The following PBX1 variants were observed in gnomAD, a reference collection of about 807,000 sequenced individuals.
The protein encoded by PBX1 is pre-B-cell leukemia transcription factor 1.
A neutral mutation model predicts 53.4 loss-of-function variants in PBX1; 6 were observed. The observed-to-expected ratio is 0.11, with a 90% CI of 0.06 to 0.22. The LOEUF is 0.22. PBX1 is among the 10% of genes least tolerant of loss of function. PBX1 has a pLI of 1.00. For synonymous variants in PBX1, 204 were observed against 212.3 expected, an observed-to-expected ratio of 0.96 and a Z score of 0.34; for missense variants, 251 against 551.4, an observed-to-expected ratio of 0.46 and a Z score of 5.46.
chr1:164,879,201 A>G (rs537972476), intron 2 of PBX1, among the ~76,000 whole-genome samples: 1 of 149,348 alleles, frequency 6.7e-6, no homozygotes, highest in Admixed American at 6.9e-5. Flanking sequence ...AGGGAGAAAA[A>G]TTTTAATTCA....
intron 2 of PBX1, among the ~76,000 whole-genome samples, chr1:164,759,493 G>T (rs1012978675): frequency 2.6e-5 from 4 of 152,188 alleles, no homozygotes; most frequent in African/African-American, 9.7e-5. Flanking sequence ...TCATGTGCTA[G>T]CTCCCATTTA....
At chr1:164,628,798 G>A (rs780829487) in intron 2 of PBX1, among the ~76,000 whole-genome samples, 34 of 152,018 alleles carry the variant, frequency 2.2e-4, no homozygotes, top group Non-Finnish European at 4.1e-4. Flanking sequence ...TGGGTTGACC[G>A]CCTTATTACT....
At position 164,562,452 on chromosome 1, in the gene PBX1, T is replaced by TACACACACACACACACACACACACAC. The variant is rs6143458; in HGVS notation, c.192-769_192-744dup. 7.0e-5 allele frequency among the ~76,000 whole-genome samples: 10 copies of TACACACACACACACACACACACACAC among 143,396 alleles called. No individual in the cohort carries two copies. The East Asian group carries it at 9.3e-4, about 13-fold the overall frequency. The allele number at this position is 143,396 out of a possible 152,430, so 94.1% of individuals were successfully genotyped here. On this transcript the variant is annotated intron_variant, in intron 1 of 8. Transcript: ENST00000420696. The stretch of plus-strand genomic sequence containing the variant: ...TTTTGTTCCTCAAGTGCATTCAGAA[T>TACACACACACACACACACACACACAC]ACACACACACACACACACACACACA...
intron 8 of PBX1, among the ~76,000 whole-genome samples, chr1:164,836,686 T>C (rs1397181165): frequency 1.3e-5 from 2 of 152,158 alleles, no homozygotes; most frequent in Non-Finnish European, 2.9e-5. Flanking sequence ...CTTCCCACTA[T>C]ATCTCCCACA....
At chr1:164,689,928 A>G (rs1662362843) in intron 2 of PBX1, among the ~76,000 whole-genome samples, 4 of 152,072 alleles carry the variant, frequency 2.6e-5, no homozygotes. Context: ...TAAGTGCCAA[A>G]TGTTTCTTGA....
At chr1:164,575,467 C>T (rs12048918) in intron 2 of PBX1, among the ~76,000 whole-genome samples, 7,429 of 152,198 alleles carry the variant, frequency 0.049, 443 homozygotes, top group East Asian at 0.29. Flanking sequence ...TACCTAGTAG[C>T]CTGTGCTGGT....
At chr1:164,776,899 TTG>T (rs368787176) in intron 2 of PBX1, among the ~76,000 whole-genome samples, 3,148 of 96,850 alleles carry the variant, frequency 0.033, 95 homozygotes, top group African/African-American at 0.07. Flanking sequence ...GGTTTTACAT[TTG>T]TGTGTGTGTG....
In PBX1 at chr1:164,869,321, C is replaced by T. The variant is rs956783583; in HGVS notation, n.258-29867C>T. On this transcript the variant is annotated intron_variant and non_coding_transcript_variant, in intron 2 of 2. Coordinates refer to the PBX1 transcript ENST00000558796. ...CAGGAGATCCATCTGCCTGTTTCTGCTCTGCTAGTCAGTAAGCCTGGATAA... is the reference window on the plus strand; with the variant it reads ...CAGGAGATCCATCTGCCTGTTTCTGTTCTGCTAGTCAGTAAGCCTGGATAA... Among the ~76,000 whole-genome samples, 7 of 152,322 alleles carry T rather than the reference C, an allele frequency of 4.6e-5. 1 individual carries two copies. The highest frequency in any genetic ancestry group is 3.3e-4 in the Admixed American group (5 of 15,306).
chr1:164,820,063 C>A lies in PBX1; in HGVS notation c.998-9C>A, dbSNP rs1476638208. 1 of 1,579,130 alleles carries A rather than the reference C, an allele frequency of 6.3e-7. No homozygotes were observed. Among genetic ancestry groups the A allele is most frequent in the East Asian group, 2.2e-5 (1 of 44,616 alleles). On this transcript the variant is annotated splice_polypyrimidine_tract_variant and intron_variant, in intron 6 of 8. Transcript: ENST00000420696. Reference sequence around the variant, plus strand: ...CTGTGATTCAGGTGCCTCACTCTTTCCTTTCCAGGTTCTTCCAGTTCTTTT... The same window carrying A: ...CTGTGATTCAGGTGCCTCACTCTTTACTTTCCAGGTTCTTCCAGTTCTTTT...
chr1:164,726,270 TAC>T (rs1454972940), intron 2 of PBX1, among the ~76,000 whole-genome samples: 5 of 152,200 alleles, frequency 3.3e-5, no homozygotes, highest in Non-Finnish European at 7.3e-5. Flanking sequence ...GATTAAAATT[TAC>T]AGAGACTATG....
intron 2 of PBX1, among the ~76,000 whole-genome samples, chr1:164,709,775 A>G (rs550035856): frequency 4.6e-5 from 7 of 152,384 alleles, no homozygotes; most frequent in African/African-American, 1.7e-4. Flanking sequence ...AATTTCCGTC[A>G]TCTTTCCCTT....
chr1:164,712,276 C>T (rs928601103), intron 2 of PBX1, among the ~76,000 whole-genome samples: 3 of 151,798 alleles, frequency 2.0e-5, no homozygotes, highest in East Asian at 1.9e-4. Flanking sequence ...ATGAAGTGTC[C>T]GTCAGCGGCT....
intron 2 of PBX1, among the ~76,000 whole-genome samples, chr1:164,788,596 A>C (rs1419193488): frequency 1.3e-5 from 2 of 152,250 alleles, no homozygotes; most frequent in Non-Finnish European, 2.9e-5. Context: ...AAATAGTGCA[A>C]GATGGTTTTC....
At chr1:164,766,579 G>A (rs1667066225) in intron 2 of PBX1, among the ~76,000 whole-genome samples, 1 of 152,088 alleles carries the variant, frequency 6.6e-6, no homozygotes, top group Admixed American at 6.6e-5. Context: ...GAGAAGCAGA[G>A]ACTTGGCCTT....
chr1:164,581,426 C>T (rs1294680149), intron 2 of PBX1, among the ~76,000 whole-genome samples: 1 of 152,038 alleles, frequency 6.6e-6, no homozygotes, highest in Non-Finnish European at 1.5e-5. Flanking sequence ...CGGGATTTCA[C>T]CATATTGGCC....
chr1:164,861,444 G>C (rs1284487593), intron 2 of PBX1, among the ~76,000 whole-genome samples: 1 of 152,130 alleles, frequency 6.6e-6, no homozygotes, highest in Non-Finnish European at 1.5e-5. Flanking sequence ...TGAACATATA[G>C]TTATTTTAAA....
At chr1:164,840,424 G>GTA (rs1433360556) in intron 8 of PBX1, among the ~76,000 whole-genome samples, 3 of 152,182 alleles carry the variant, frequency 2.0e-5, no homozygotes, top group Non-Finnish European at 2.9e-5. Flanking sequence ...AGCTGAATCT[G>GTA]TATATGGGTC....
At chr1:164,627,795 C>T (rs776670625) in intron 2 of PBX1, among the ~76,000 whole-genome samples, 2 of 152,058 alleles carry the variant, frequency 1.3e-5, no homozygotes, top group African/African-American at 2.4e-5. Context: ...CATTGCATCT[C>T]TTTTGTATTT....
chr1:164,761,509 A>AT (rs1400753950), intron 2 of PBX1, among the ~76,000 whole-genome samples: 2 of 151,206 alleles, frequency 1.3e-5, no homozygotes, highest in East Asian at 3.9e-4. Flanking sequence ...CAGTGGCGCG[A>AT]TCTCGACTCA....
Sources: gnomAD v4.1 joint callset for allele counts (sites outside exome capture counted in the v4.1 genomes callset) on GRCh38, gnomAD v4.1.1 for gene constraint, MANE v1.5 for transcripts, NCBI Gene and HGNC (gene_info 2026-07-23, HGNC 2026-07-21) for gene names.